Variants in MAD1L1 observed in about 807,000 individuals in gnomAD.
The protein encoded by MAD1L1 is mitotic arrest deficient 1 like 1.
In MAD1L1, 95 loss-of-function variants were observed where a neutral mutation model predicts 96.9. The ratio of observed to expected loss-of-function variants is 0.98; its 90% CI spans 0.83 to 1.16. The LOEUF is 1.16. Ranked by LOEUF, MAD1L1 falls within the 50% of genes most tolerant of loss-of-function variation. The pLI is 0.00. For synonymous variants in MAD1L1, 473 were observed against 396.6 expected (o/e 1.19, Z -2.29); for missense variants, 1,007 against 954.4 (o/e 1.06, Z -0.73).
At chr7:1,995,561 C>A (rs1781518990) in intron 14 of MAD1L1, among the ~76,000 whole-genome samples, 1 of 152,124 alleles carries the variant, frequency 6.6e-6, no homozygotes, top group Non-Finnish European at 1.5e-5. Flanking sequence ...GGCGGGGGGC[C>A]CAGGAGAGGC....
intron 12 of MAD1L1, among the ~76,000 whole-genome samples, chr7:2,020,694 T>C (rs141871812): frequency 3.3e-5 from 5 of 151,740 alleles, no homozygotes; most frequent in African/African-American, 1.2e-4. Context: ...CTTCAGGCAC[T>C]AGTTAAAAAC....
intron 14 of MAD1L1, among the ~76,000 whole-genome samples, chr7:1,997,424 C>A (rs1442995768): frequency 6.6e-6 from 1 of 152,236 alleles, no homozygotes; most frequent in Non-Finnish European, 1.5e-5. Context: ...ACAAGGGAGC[C>A]CCTTCCCCAG....
chr7:1,926,813 TGAG>T (rs1789116748), intron 17 of MAD1L1, among the ~76,000 whole-genome samples: 1 of 152,122 alleles, frequency 6.6e-6, no homozygotes, highest in Non-Finnish European at 1.5e-5. Flanking sequence ...CCCTGCAAGG[TGAG>T]GAGAAAGGCC....
chr7:2,022,141 A>G (rs1048011163), intron 12 of MAD1L1, among the ~76,000 whole-genome samples: 3 of 152,060 alleles, frequency 2.0e-5, no homozygotes, highest in Non-Finnish European at 4.4e-5. Flanking sequence ...AGTCTCGTTC[A>G]TCTAATGGAC....
chr7:1,827,762 T>G (rs59258878), intron 18 of MAD1L1, among the ~76,000 whole-genome samples: 31 of 92,794 alleles, frequency 3.3e-4, no homozygotes, highest in South Asian at 2.4e-3. Context: ...CCTGAGCCCG[T>G]CCCGGGTGTG....
chr7:2,038,462 C>CA (rs1242397628), intron 12 of MAD1L1, among the ~76,000 whole-genome samples: 2 of 143,422 alleles, frequency 1.4e-5, no homozygotes, highest in Non-Finnish European at 3.0e-5. Context: ...TTTCAGAGGA[C>CA]AAGCTGATGC....
chr7:2,113,359 C>A (rs1787483970), intron 11 of MAD1L1, among the ~76,000 whole-genome samples: 2 of 152,156 alleles, frequency 1.3e-5, no homozygotes, highest in South Asian at 4.1e-4. Context: ...GTGGGTGGAT[C>A]ACCTGAGGTC....
At chr7:1,934,015 T>C (rs1288416445) in intron 17 of MAD1L1, among the ~76,000 whole-genome samples, 1 of 152,210 alleles carries the variant, frequency 6.6e-6, no homozygotes, top group Non-Finnish European at 1.5e-5. Context: ...ACTCCAAAAG[T>C]CTGCCTCTGT....
intron 15 of MAD1L1, among the ~76,000 whole-genome samples, chr7:1,977,162 G>T (rs114500285): frequency 6.6e-6 from 1 of 152,252 alleles, no homozygotes; most frequent in South Asian, 2.1e-4. Flanking sequence ...GCAGAGCAGG[G>T]GGCCGCGCCG....
chr7:2,019,283 CCT>C (rs1395482384), intron 12 of MAD1L1, among the ~76,000 whole-genome samples: 2 of 152,210 alleles, frequency 1.3e-5, no homozygotes, highest in East Asian at 3.9e-4. Flanking sequence ...AGGCAGGAGG[CCT>C]CTCTCTGGAA....
chr7:1,993,992 C>G (rs891639230), intron 14 of MAD1L1, among the ~76,000 whole-genome samples: 4 of 152,266 alleles, frequency 2.6e-5, no homozygotes, highest in Non-Finnish European at 5.9e-5. Flanking sequence ...GCCACAGGGT[C>G]TGGGGTCAGC....
chr7:1,839,405 TGC>T (rs1399997400), intron 18 of MAD1L1, among the ~76,000 whole-genome samples: 1 of 151,678 alleles, frequency 6.6e-6, no homozygotes, highest in Non-Finnish European at 1.5e-5. Context: ...GCCCACCCGG[TGC>T]CATGGCCTGG....
intron 11 of MAD1L1, among the ~76,000 whole-genome samples, chr7:2,078,577 G>A (rs557320775): frequency 1.3e-5 from 2 of 152,352 alleles, no homozygotes; most frequent in South Asian, 2.1e-4. Flanking sequence ...GGAGGCTGGC[G>A]GCCAGGGCCC....
chr7:2,038,801 GCTA>G (rs1783555185), intron 12 of MAD1L1, among the ~76,000 whole-genome samples: 2 of 152,042 alleles, frequency 1.3e-5, no homozygotes, highest in Admixed American at 1.3e-4. Context: ...CCATGCATCA[GCTA>G]CTGTGCCTGA....
intron 10 of MAD1L1, among the ~76,000 whole-genome samples, chr7:2,209,343 T>C (rs576534192): frequency 1.8e-4 from 27 of 152,266 alleles, no homozygotes; most frequent in Middle Eastern, 3.4e-3. Context: ...CTCTGAGGAC[T>C]GCAGGACGTC....
chr7:2,173,906 C>T (rs946305911), intron 10 of MAD1L1, among the ~76,000 whole-genome samples: 1 of 152,222 alleles, frequency 6.6e-6, no homozygotes, highest in African/African-American at 2.4e-5. Context: ...TCAAGCGATC[C>T]TCCTGCCTCA....
chr7:2,079,701 T>C (rs772471344), intron 11 of MAD1L1: 1 of 471,000 alleles, frequency 2.1e-6, no homozygotes, highest in South Asian at 1.5e-5. Flanking sequence ...TACCAACCTG[T>C]AATCGCCTGG....
At chr7:1,985,110 T>G (rs1336912324) in intron 14 of MAD1L1, among the ~76,000 whole-genome samples, 1 of 152,236 alleles carries the variant, frequency 6.6e-6, no homozygotes, top group African/African-American at 2.4e-5. Flanking sequence ...CCTGGGGTAC[T>G]CAGATCAAAA....
chr7:2,125,408 G>A (rs1211163904), intron 11 of MAD1L1, among the ~76,000 whole-genome samples: 3 of 152,166 alleles, frequency 2.0e-5, no homozygotes, highest in South Asian at 2.1e-4. Context: ...TGTGTCCCCC[G>A]GGCGACAGCT....
Sources: allele counts gnomAD v4.1 joint callset (sites outside exome capture counted in the v4.1 genomes callset), GRCh38; gene constraint gnomAD v4.1.1; transcripts MANE v1.5; gene names NCBI Gene and HGNC (gene_info 2026-07-23, HGNC 2026-07-21).